PGAP4: variants seen among roughly 807,000 people sequenced by gnomAD.
The protein encoded by PGAP4 is post-GPI attachment to proteins GalNAc transferase 4.
Under a neutral mutation model 28.2 loss-of-function variants are expected in PGAP4, and 12 were observed. The ratio of observed to expected loss-of-function variants is 0.42; its 90% CI spans 0.27 to 0.69. The LOEUF (loss-of-function observed/expected upper bound fraction) is 0.69, where lower values mean the gene tolerates loss of function less well. Among genes scored for constraint, PGAP4 ranks in the 30% least tolerant of loss-of-function variants. The pLI, the probability that PGAP4 is intolerant of heterozygous loss-of-function variation, is 0.22. For missense variants in PGAP4, 425 were observed against 513.5 expected (o/e 0.83, Z 1.67); for synonymous variants, 205 against 211.8 (o/e 0.97, Z 0.28).
In PGAP4 at chr9:101,486,743, A is replaced by T. The variant is rs1279094055; in HGVS notation, c.-78+206T>A. On this transcript the variant is annotated intron_variant, in intron 1 of 1. Transcript: ENST00000374848. This position sits in a 1 kb window ranked among gnomAD's most constrained non-coding sequence, Gnocchi z 4.7. ...CAATCCTCCGGCAGGAAGCGGTCGGAGCTGCGGGCAGGGCCGCTAGGCAAC... is the reference window on the plus strand; with the variant it reads ...CAATCCTCCGGCAGGAAGCGGTCGGTGCTGCGGGCAGGGCCGCTAGGCAAC... 6.6e-6 allele frequency among the ~76,000 whole-genome samples: 1 copy of T among 151,812 alleles called. No homozygotes were observed. Among genetic ancestry groups the T allele is most frequent in the Non-Finnish European group, 1.5e-5 (1 of 67,990 alleles).
rs1245170432 is a variant in PGAP4 at position 101,523,619 on chromosome 9, C to CATTTTTTTTTTTT, written c.-165+7728_-165+7729insAAAAAAAAAAAAT. ...ACATTTCTCCCCTCACTTCTTGTAT[C>CATTTTTTTTTTTT]TTTTTTTTTTTTTTTTTTTTTTTTT... On this transcript the variant is annotated intron_variant, in intron 2 of 3. Transcript: ENST00000374851. 1.2e-3 allele frequency among the ~76,000 whole-genome samples: 70 copies of CATTTTTTTTTTTT among 59,334 alleles called. 5 individuals carry two copies. The highest frequency in any genetic ancestry group is 1.4e-3 in the Admixed American group (6 of 4,358). The allele number at this position is 59,334 out of a possible 152,430, so 38.9% of individuals were successfully genotyped here. A position where few individuals can be genotyped will look rare whatever the true frequency, so the allele number is the denominator to read the frequency against.
upstream of PGAP4, among the ~76,000 whole-genome samples, chr9:101,487,641 G>C (rs761959110): frequency 6.6e-6 from 1 of 152,176 alleles, no homozygotes; most frequent in Non-Finnish European, 1.5e-5. Flanking sequence ...TGGGTTTTCA[G>C]CACACAATTG....
chr9:101,501,246 A>G (rs1826795492), intron 2 of PGAP4, among the ~76,000 whole-genome samples: 4 of 152,124 alleles, frequency 2.6e-5, no homozygotes, highest in South Asian at 4.2e-4. Context: ...GCATTTCCCA[A>G]TCTGTGCTGT....
At chr9:101,488,666 G>A (rs984790906), upstream of PGAP4, among the ~76,000 whole-genome samples, 4 of 152,120 alleles carry the variant, frequency 2.6e-5, no homozygotes, top group Admixed American at 1.3e-4. Context: ...GGCAATGTCT[G>A]TGCTGTCCAA....
chr9:101,526,507 T>C (rs1264994327), intron 2 of PGAP4, among the ~76,000 whole-genome samples: 2 of 152,208 alleles, frequency 1.3e-5, no homozygotes, highest in East Asian at 3.8e-4. Flanking sequence ...TGGAGAGCAG[T>C]GGCATGATCT....
chr9:101,488,011 G>A (rs1826649759), upstream of PGAP4, among the ~76,000 whole-genome samples: 1 of 152,126 alleles, frequency 6.6e-6, no homozygotes, highest in African/African-American at 2.4e-5. Context: ...GTGGTCACAA[G>A]ATAAAGCATT....
At chr9:101,491,848 T>TATATATATATA (rs1588203385), upstream of PGAP4, among the ~76,000 whole-genome samples, 5 of 141,810 alleles carry the variant, frequency 3.5e-5, no homozygotes, top group Non-Finnish European at 6.1e-5. Context: ...TATATATATA[T>TATATATATATA]TCTTTTAAAA....
At chr9:101,487,825 A>T (rs1357895572), upstream of PGAP4, among the ~76,000 whole-genome samples, 2 of 152,200 alleles carry the variant, frequency 1.3e-5, no homozygotes, top group African/African-American at 4.8e-5. Context: ...TGAATTCAAA[A>T]TTTGATGATC....
intron 1 of PGAP4, among the ~76,000 whole-genome samples, chr9:101,532,445 G>A (rs1467752226): frequency 6.6e-6 from 1 of 152,036 alleles, no homozygotes; most frequent in Non-Finnish European, 1.5e-5. Flanking sequence ...GTTCATTTTT[G>A]TTCTTGTTTT....
At chr9:101,497,745 A>G (rs1176210623) in intron 2 of PGAP4, among the ~76,000 whole-genome samples, 7 of 151,744 alleles carry the variant, frequency 4.6e-5, no homozygotes, top group African/African-American at 1.7e-4. Context: ...CATTTGGGTT[A>G]ATAACTATAT....
chr9:101,490,417 T>C (rs1272613286), upstream of PGAP4, among the ~76,000 whole-genome samples: 2 of 152,096 alleles, frequency 1.3e-5, no homozygotes, highest in Non-Finnish European at 2.9e-5. Context: ...CTCAAACTCC[T>C]GACCTGAAGT....
At chr9:101,495,980 G>A (rs1000326675) in intron 2 of PGAP4, among the ~76,000 whole-genome samples, 1 of 151,372 alleles carries the variant, frequency 6.6e-6, no homozygotes, top group Non-Finnish European at 1.5e-5. Context: ...AGTGTGTTCA[G>A]ACTCCAGAAA....
Position 101,477,116 on chromosome 9 carries a change from G to T in PGAP4, c.-24C>A, listed in dbSNP as rs762194874. ...ATGAGGTCAACTTTTGTTCATGTCTGGTCCCAAGAAAAAACCATCCTGGAA... is the reference window on the plus strand; with the variant it reads ...ATGAGGTCAACTTTTGTTCATGTCTTGTCCCAAGAAAAAACCATCCTGGAA... On this transcript the variant is annotated 5_prime_UTR_variant, in exon 2 of 2. Transcript: ENST00000374848. 1 of 1,528,116 alleles carries T rather than the reference G, an allele frequency of 6.5e-7. No homozygotes were observed. Among genetic ancestry groups the T allele is most frequent in the Non-Finnish European group, 8.8e-7 (1 of 1,141,374 alleles). The allele number at this position is 1,528,116 out of a possible 1,614,324, so 94.7% of individuals were successfully genotyped here.
At chr9:101,523,978 A>G (rs1237022564) in intron 2 of PGAP4, among the ~76,000 whole-genome samples, 3 of 151,904 alleles carry the variant, frequency 2.0e-5, no homozygotes, top group Non-Finnish European at 4.4e-5. Context: ...GCTTCCTACA[A>G]GCCGAACTGC....
chr9:101,525,931 A>AT (rs2118636753), intron 2 of PGAP4, among the ~76,000 whole-genome samples: 2 of 152,236 alleles, frequency 1.3e-5, no homozygotes, highest in East Asian at 3.9e-4. Context: ...TATGTTAAAC[A>AT]TTTTTGTACA....
upstream of PGAP4, among the ~76,000 whole-genome samples, chr9:101,487,359 A>G (rs1344965491): frequency 1.3e-5 from 2 of 152,244 alleles, no homozygotes; most frequent in Non-Finnish European, 2.9e-5. Flanking sequence ...ACACCAATGG[A>G]ACGATATCTC....
At chr9:101,509,527 G>T (rs1266833900) in intron 2 of PGAP4, among the ~76,000 whole-genome samples, 1 of 152,090 alleles carries the variant, frequency 6.6e-6, no homozygotes, top group Admixed American at 6.6e-5. Context: ...AAAAACTCTG[G>T]CCAGCAATCT....
At chr9:101,508,306 C>T (rs28533545) in intron 2 of PGAP4, among the ~76,000 whole-genome samples, 24,780 of 152,020 alleles carry the variant, frequency 0.16, 2,165 homozygotes, top group East Asian at 0.24. Context: ...ATCTAAAAAC[C>T]AGTCTGACTG....
chr9:101,510,990 T>C (rs1291839913), intron 2 of PGAP4, among the ~76,000 whole-genome samples: 4 of 152,134 alleles, frequency 2.6e-5, no homozygotes, highest in African/African-American at 9.7e-5. Context: ...CTCTGTGCAG[T>C]CAAACCTCTC....
Sources: gnomAD v4.1 joint callset for allele counts (sites outside exome capture counted in the v4.1 genomes callset) on GRCh38, gnomAD v4.1.1 for gene constraint, Gnocchi (gnomAD v3.1) non-coding constraint, MANE v1.5 for transcripts, NCBI Gene and HGNC (gene_info 2026-07-23, HGNC 2026-07-21) for gene names.